ACAP2: variants seen among roughly 807,000 people sequenced by gnomAD.
ACAP2 encodes the protein arf-GAP with coiled-coil, ANK repeat and PH domain-containing protein 2.
ACAP2 carries 39 observed loss-of-function variants against 115.8 expected under a neutral mutation model. That is an observed-to-expected ratio of 0.34 (90% CI 0.26 to 0.44). The LOEUF (loss-of-function observed/expected upper bound fraction) is 0.44. Ranked by LOEUF, ACAP2 falls within the 20% of genes least tolerant of loss-of-function variation. ACAP2 has a pLI of 1.00. For missense variants in ACAP2, 662 were observed against 927.6 expected (o/e 0.71, Z 3.72); for synonymous variants, 289 against 315.8 (o/e 0.92, Z 0.90).
rs979801627 is a variant in ACAP2 at position 195,372,711 on chromosome 3, G to A, written c.285+8298C>T. Among the ~76,000 whole-genome samples, 3 of 152,046 alleles carry A rather than the reference G, an allele frequency of 2.0e-5. No homozygotes were observed. In the East Asian group the frequency reaches 5.8e-4, roughly 29 times the overall value. ...ACACCTGTAGTCCTACTATTTGGAA[G>A]GCTGAGGCAGAAGGATCACTTGAGC... On this transcript the variant is annotated intron_variant, in intron 4 of 22. Transcript: ENST00000326793.
chr3:195,280,358 G>A (rs889323906), intron 22 of ACAP2, among the ~76,000 whole-genome samples: 1 of 152,130 alleles, frequency 6.6e-6, no homozygotes, highest in South Asian at 2.1e-4. Context: ...TGTAATCCCA[G>A]CTACTCGGGA....
At chr3:195,374,183 C>T (rs563131142) in intron 4 of ACAP2, among the ~76,000 whole-genome samples, 2 of 152,046 alleles carry the variant, frequency 1.3e-5, no homozygotes, top group East Asian at 1.9e-4. Context: ...GTCCGGAGTT[C>T]GAGACCAGCC....
chr3:195,311,324 T>C (rs942228370), intron 10 of ACAP2, among the ~76,000 whole-genome samples: 5 of 152,110 alleles, frequency 3.3e-5, no homozygotes, highest in Admixed American at 2.0e-4. Context: ...CTCTAACTCC[T>C]GGTCTCAAGC....
chr3:195,428,228 T>A (rs1049717260), intron 1 of ACAP2, among the ~76,000 whole-genome samples: 4 of 150,948 alleles, frequency 2.6e-5, no homozygotes, highest in Non-Finnish European at 5.9e-5. Flanking sequence ...TATGTATGTA[T>A]ATATGCAGTC....
At chr3:195,438,791 G>A (rs2108877855) in intron 1 of ACAP2, among the ~76,000 whole-genome samples, 2 of 152,342 alleles carry the variant, frequency 1.3e-5, no homozygotes, top group Middle Eastern at 6.8e-3. Flanking sequence ...CGGGCATGGT[G>A]GCTTATGCCT....
intron 6 of ACAP2, 50 bp from the exon 7 acceptor site, chr3:195,337,026 A>G: frequency 6.7e-7 from 1 of 1,484,394 alleles, no homozygotes; most frequent in Non-Finnish European, 9.3e-7. Context: ...TTTAAAGCTA[A>G]TCCATAATGC....
intron 10 of ACAP2, 36 bp downstream of exon 10, chr3:195,320,665 A>C: frequency 7.0e-7 from 1 of 1,438,820 alleles, no homozygotes; most frequent in Non-Finnish European, 9.8e-7. Context: ...AATCAAAACT[A>C]TGTATAGATC....
chr3:195,381,764 G>T, intron 3 of ACAP2, 139 bp downstream of exon 3: 1 of 887,506 alleles, frequency 1.1e-6, no homozygotes, highest in Admixed American at 2.9e-5. Flanking sequence ...TCATACAAGA[G>T]AGCACCAAGG....
At chr3:195,376,364 G>A (rs914011014) in intron 4 of ACAP2, among the ~76,000 whole-genome samples, 1 of 151,914 alleles carries the variant, frequency 6.6e-6, no homozygotes, top group African/African-American at 2.4e-5. Flanking sequence ...CTCCAGCCTG[G>A]GCAACAGAGC....
chr3:195,308,378 T>C lies in ACAP2; in HGVS notation c.909+408A>G, dbSNP rs73890761. 1.6e-3 allele frequency among the ~76,000 whole-genome samples: 241 copies of C among 152,240 alleles called. 1 individual carries two copies. The highest frequency in any genetic ancestry group is 5.7e-3 in the African/African-American group (239 of 41,576). On this transcript the variant is annotated intron_variant, in intron 11 of 22. Transcript: ENST00000326793. ...TTTCAAAACAGCTAGGAGAAGAGATTTGTAATGTTCCTAAGACAAAAATGT... is the reference window on the plus strand; with the variant it reads ...TTTCAAAACAGCTAGGAGAAGAGATCTGTAATGTTCCTAAGACAAAAATGT...
intron 8 of ACAP2, among the ~76,000 whole-genome samples, chr3:195,327,953 T>C (rs1051390746): frequency 6.6e-6 from 1 of 151,772 alleles, no homozygotes; most frequent in Admixed American, 6.6e-5. Flanking sequence ...AAAAAATATA[T>C]ATATATGTAT....
intron 19 of ACAP2, 28 bp downstream of exon 19, chr3:195,292,237 C>T: frequency 6.5e-7 from 1 of 1,529,324 alleles, no homozygotes; most frequent in Non-Finnish European, 8.7e-7. Context: ...TTGATTGCTA[C>T]TGAAAATGTC....
chr3:195,419,122 A>G (rs1161262625), intron 1 of ACAP2, among the ~76,000 whole-genome samples: 1 of 150,346 alleles, frequency 6.7e-6, no homozygotes, highest in Non-Finnish European at 1.5e-5. Context: ...GAAGTGTACA[A>G]TTCAATAGTT....
chr3:195,421,211 G>A (rs1254005608), intron 1 of ACAP2, among the ~76,000 whole-genome samples: 3 of 152,154 alleles, frequency 2.0e-5, no homozygotes, highest in Non-Finnish European at 4.4e-5. Flanking sequence ...ATCTATGCCT[G>A]AGTCCTATTC....
chr3:195,418,256 C>T lies in ACAP2; in HGVS notation c.53+24539G>A, dbSNP rs546534136. Among the ~76,000 whole-genome samples, 5 of 152,228 alleles carry T rather than the reference C, an allele frequency of 3.3e-5. No individual in the cohort carries two copies. In the South Asian group the frequency reaches 1.0e-3, roughly 32 times the overall value. Reference sequence around the variant, plus strand: ...ATGCAAGACAGAGGTCTTTCTCATCCTCTCCCACAGTTCCCAGGATTCACT... The same window carrying T: ...ATGCAAGACAGAGGTCTTTCTCATCTTCTCCCACAGTTCCCAGGATTCACT... On this transcript the variant is annotated intron_variant, in intron 1 of 22. Coordinates refer to ENST00000326793, the MANE Select transcript of ACAP2 (RefSeq NM_012287.6).
Position 195,333,018 on chromosome 3 carries a change from GC to G in ACAP2, c.669+9del. 6.4e-7 allele frequency: 1 copy of G among 1,568,166 alleles called. No individual in the cohort carries two copies. Among genetic ancestry groups the G allele is most frequent in the Non-Finnish European group, 8.7e-7 (1 of 1,148,050 alleles). ...ATAAAACAGAATCAAGAAATATACT[GC>G]AACATTACCTGTGCACCAAGATCCT... is the stretch of plus-strand genomic sequence containing the variant. On this transcript the variant is annotated intron_variant, in intron 8 of 22. Transcript: ENST00000326793.
chr3:195,421,211 G>T (rs1254005608), intron 1 of ACAP2, among the ~76,000 whole-genome samples: 1 of 152,154 alleles, frequency 6.6e-6, no homozygotes, highest in East Asian at 1.9e-4. Context: ...ATCTATGCCT[G>T]AGTCCTATTC....
chr3:195,297,399 T>G, intron 15 of ACAP2, 118 bp from the exon 16 acceptor site: 3 of 706,014 alleles, frequency 4.2e-6, no homozygotes, highest in Non-Finnish European at 6.8e-6. Flanking sequence ...ATTCTGCAGA[T>G]GCTTATTCTA....
intron 4 of ACAP2, among the ~76,000 whole-genome samples, chr3:195,346,747 G>A (rs1731212613): frequency 6.6e-6 from 1 of 152,076 alleles, no homozygotes; most frequent in Non-Finnish European, 1.5e-5. Flanking sequence ...ATTCCTAATT[G>A]CCAAAATATA....
Sources: allele counts gnomAD v4.1 joint callset (sites outside exome capture counted in the v4.1 genomes callset), GRCh38; gene constraint gnomAD v4.1.1; transcripts MANE v1.5; gene names NCBI Gene and HGNC (gene_info 2026-07-23, HGNC 2026-07-21).